The following AAGAB variants were observed in gnomAD, a reference collection of about 807,000 sequenced individuals.
AAGAB encodes the protein alpha and gamma adaptin binding protein, also known as alpha- and gamma-adaptin-binding protein p34.
In AAGAB, 38 loss-of-function variants were observed where a neutral mutation model predicts 44.1. That is an observed-to-expected ratio of 0.86 (90% CI 0.67 to 1.13). The LOEUF is 1.13. AAGAB is among the 50% of genes most tolerant of loss of function. The pLI, the probability that AAGAB is intolerant of heterozygous loss-of-function variation, is 0.00. For missense variants in AAGAB, 450 were observed against 373.8 expected, an observed-to-expected ratio of 1.20 and a Z score of -1.68; for synonymous variants, 131 against 131.8, an observed-to-expected ratio of 0.99 and a Z score of 0.04.
intron 5 of AAGAB, among the ~76,000 whole-genome samples, chr15:67,216,914 T>G (rs1173748929): frequency 6.6e-6 from 1 of 152,210 alleles, no homozygotes; most frequent in Non-Finnish European, 1.5e-5. Context: ...TTCCCATGAT[T>G]CATTTGCTTA....
At chr15:67,215,417 A>G (rs1963921213) in intron 5 of AAGAB, among the ~76,000 whole-genome samples, 1 of 152,178 alleles carries the variant, frequency 6.6e-6, no homozygotes, top group African/African-American at 2.4e-5. Flanking sequence ...TTCCATGACC[A>G]CACCCCCCAA....
chr15:67,241,020 A>G (rs1204661905), intron 1 of AAGAB, among the ~76,000 whole-genome samples: 1 of 141,198 alleles, frequency 7.1e-6, no homozygotes, highest in Admixed American at 7.2e-5. Flanking sequence ...TTCCCCAAAC[A>G]CCACAAATAT....
At chr15:67,231,025 T>C (rs924112351) in intron 5 of AAGAB, among the ~76,000 whole-genome samples, 5 of 152,200 alleles carry the variant, frequency 3.3e-5, no homozygotes, top group Non-Finnish European at 7.3e-5. Context: ...TGATATTCTC[T>C]TAGTGACCCT....
At chr15:67,225,663 G>A (rs12594065) in intron 5 of AAGAB, among the ~76,000 whole-genome samples, 31,501 of 152,106 alleles carry the variant, frequency 0.21, 4,029 homozygotes, top group East Asian at 0.47. Flanking sequence ...AGCCTCTCGT[G>A]TCGGGCTTTT....
At chr15:67,232,575 G>A in intron 4 of AAGAB, 1 of 415,132 alleles carries the variant, frequency 2.4e-6, no homozygotes. Flanking sequence ...TCGGGAAAAA[G>A]TAGCCAAAAT....
At chr15:67,249,434 T>C (rs940857325) in intron 1 of AAGAB, among the ~76,000 whole-genome samples, 1 of 152,190 alleles carries the variant, frequency 6.6e-6, no homozygotes, top group African/African-American at 2.4e-5. Flanking sequence ...CACCAATACA[T>C]AGCATCTCTG....
At position 67,254,570 on chromosome 15, in the gene AAGAB, T is replaced by G. The variant is rs1965025188; in HGVS notation, c.62A>C (p.Gln21Pro). 6.2e-7 allele frequency: 1 copy of G among 1,609,398 alleles called. No individual in the cohort carries two copies. Among genetic ancestry groups the G allele is most frequent in the Non-Finnish European group, 8.5e-7 (1 of 1,178,790 alleles). The change falls in exon 1 of 10, where the codon CAG becomes CCG. Residue 21 changes from glutamine to proline, a missense_variant. Coordinates refer to ENST00000261880, the MANE Select transcript of AAGAB (RefSeq NM_024666.5). ...GCCTATCTACTCACGTTGGACCAGC[T>G]GGTCTCCTGAGAAGACGGAGGAGCA... ...TSCSSVFSGD[Q>P]LVQHILGTED...
In AAGAB at chr15:67,204,134, G is replaced by C. The variant is rs764806559; in HGVS notation, c.730C>G (p.Leu244Val). 1 of 1,605,912 alleles carries C rather than the reference G, an allele frequency of 6.2e-7. No individual in the cohort carries two copies. The highest frequency in any genetic ancestry group is 8.5e-7 in the Non-Finnish European group (1 of 1,173,182). The change falls in exon 8 of 10, where the codon CTG (leucine) becomes GTG (valine). Residue 244 changes from leucine (L) to valine (V), a missense_variant. Transcript: ENST00000261880. ...AGACTGGCTAATTCTTGAATATCCAGATCTAACATGGGATCTGAAATAGGG... is the reference window on the plus strand; with the variant it reads ...AGACTGGCTAATTCTTGAATATCCACATCTAACATGGGATCTGAAATAGGG... ...VDSIVDPMLDLDIQELASLTT... is the reference protein window; with the variant it reads ...VDSIVDPMLDVDIQELASLTT...
intron 5 of AAGAB, among the ~76,000 whole-genome samples, chr15:67,213,893 A>G (rs1158798675): frequency 1.3e-5 from 2 of 152,226 alleles, no homozygotes; most frequent in Admixed American, 6.5e-5. Context: ...AAATAAACAT[A>G]TATCTTCTTT....
intron 2 of AAGAB, 47 bp downstream of exon 2, chr15:67,236,583 C>T: frequency 6.2e-7 from 1 of 1,600,894 alleles, no homozygotes. Flanking sequence ...AAAAAGAAGG[C>T]ATGCAATAAT....
intron 2 of AAGAB, 24 bp from the exon 3 acceptor site, chr15:67,236,528 CA>C: frequency 6.2e-7 from 1 of 1,609,138 alleles, no homozygotes; most frequent in African/African-American, 1.3e-5. Context: ...AAAATATAAA[CA>C]AACAAAAACA....
At chr15:67,232,475 A>G (rs1000272565) in intron 4 of AAGAB, 11 of 282,346 alleles carry the variant, frequency 3.9e-5, no homozygotes, top group Middle Eastern at 1.3e-3. Flanking sequence ...TCCAAACTGG[A>G]AAGTTCATGA....
intron 5 of AAGAB, among the ~76,000 whole-genome samples, chr15:67,228,403 T>A (rs1964254318): frequency 6.6e-6 from 1 of 152,210 alleles, no homozygotes; most frequent in Non-Finnish European, 1.5e-5. Context: ...GAATTTGTTC[T>A]GGTAACAGAG....
At chr15:67,249,572 G>A (rs1964813163) in intron 1 of AAGAB, among the ~76,000 whole-genome samples, 1 of 151,890 alleles carries the variant, frequency 6.6e-6, no homozygotes, top group Non-Finnish European at 1.5e-5. Context: ...TATTGGTTTC[G>A]ATGGCAACAA....
chr15:67,227,189 A>G (rs778911426), intron 5 of AAGAB, among the ~76,000 whole-genome samples: 27 of 152,228 alleles, frequency 1.8e-4, no homozygotes, highest in Admixed American at 4.6e-4. Context: ...ACATAATCCC[A>G]AATAATCAAC....
rs562227476 is a variant in AAGAB, at chr15:67,253,123, T to C, written c.73+1436A>G. Among the ~76,000 whole-genome samples the C allele has an allele frequency of 5.7e-4, 87 of 152,270 alleles. 1 individual carries two copies. Among genetic ancestry groups the C allele is most frequent in the African/African-American group, 2.0e-3 (84 of 41,530 alleles). On this transcript the variant is annotated intron_variant, in intron 1 of 9. Transcript: ENST00000261880. ...TCTTGCGAAAATTATCCCTATTTTATAGATAGAAGGTGAAGGGGCCGGGCG... is the reference window on the plus strand; with the variant it reads ...TCTTGCGAAAATTATCCCTATTTTACAGATAGAAGGTGAAGGGGCCGGGCG...
At chr15:67,251,236 C>CTGTGTGTGTG (rs55690815) in intron 1 of AAGAB, among the ~76,000 whole-genome samples, 87 of 147,498 alleles carry the variant, frequency 5.9e-4, no homozygotes, top group African/African-American at 1.7e-3. Flanking sequence ...GTGTGTGTGT[C>CTGTGTGTGTG]TGTGTGTGTG....
chr15:67,222,282 A>ACACACACACACACACACCCC (rs796412643), intron 5 of AAGAB, among the ~76,000 whole-genome samples: 9 of 139,850 alleles, frequency 6.4e-5, no homozygotes, highest in East Asian at 4.6e-4. Context: ...ACACACACAC[A>ACACACACACACACACACCCC]CCCTCCACCC....
chr15:67,222,780 C>T (rs1207676209), intron 5 of AAGAB, among the ~76,000 whole-genome samples: 2 of 152,128 alleles, frequency 1.3e-5, no homozygotes, highest in African/African-American at 4.8e-5. Context: ...CTCTTGTTCT[C>T]ATCTCAAACA....
Sources: allele counts gnomAD v4.1 joint callset (sites outside exome capture counted in the v4.1 genomes callset), GRCh38; gene constraint gnomAD v4.1.1; transcripts MANE v1.5; gene names NCBI Gene and HGNC (gene_info 2026-07-23, HGNC 2026-07-21).